Variants in FOCAD observed in about 807,000 individuals in gnomAD.
FOCAD encodes the protein focadhesin, also known as KIAA1797.
Under a neutral mutation model 225.6 loss-of-function variants are expected in FOCAD, and 198 were observed. The ratio of observed to expected loss-of-function variants is 0.88; its 90% CI spans 0.78 to 0.99. The LOEUF is 0.99. FOCAD is among the 50% of genes least tolerant of loss of function. The pLI is 0.00. For missense variants in FOCAD, 2,713 were observed against 2,123.6 expected, an observed-to-expected ratio of 1.28 and a Z score of -5.46; for synonymous variants, 897 against 755.0, an observed-to-expected ratio of 1.19 and a Z score of -3.08.
intron 35 of FOCAD, among the ~76,000 whole-genome samples, chr9:20,959,913 A>G (rs1023840186): frequency 2.0e-5 from 3 of 152,080 alleles, no homozygotes; most frequent in Admixed American, 6.5e-5. Context: ...TTACCCTTTT[A>G]TTTTGAAACA....
chr9:20,910,717 C>G (rs1833369529), intron 22 of FOCAD, among the ~76,000 whole-genome samples: 1 of 152,012 alleles, frequency 6.6e-6, no homozygotes, highest in African/African-American at 2.4e-5. Context: ...GCAGAGATGA[C>G]TGAGTTGAAT....
chr9:20,830,717 G>A (rs1825396008), intron 15 of FOCAD, among the ~76,000 whole-genome samples: 1 of 151,856 alleles, frequency 6.6e-6, no homozygotes, highest in African/African-American at 2.4e-5. Context: ...TTGCTCTGAC[G>A]GCCATGCTGG....
chr9:20,806,436 G>A (rs1273414244), intron 11 of FOCAD, among the ~76,000 whole-genome samples: 1 of 152,036 alleles, frequency 6.6e-6, no homozygotes, highest in African/African-American at 2.4e-5. Flanking sequence ...AATTTTGTAG[G>A]CGGCTTGTCG....
At chr9:20,982,256 G>T in intron 38 of FOCAD, 101 bp from the exon 39 acceptor site, 1 of 734,896 alleles carries the variant, frequency 1.4e-6, no homozygotes. Context: ...AATCTCATCA[G>T]CTGCTGTTCA....
chr9:20,759,825 A>C lies in FOCAD; in HGVS notation c.494+1634A>C, dbSNP rs1177074331. ...GGCTAGAATAATTCAGTAAGCTACT[A>C]CACAATACATATAGGAGATAAGTTC... is the stretch of plus-strand genomic sequence containing the variant. On this transcript the variant is annotated intron_variant, in intron 6 of 43. Transcript: ENST00000338382. 2.0e-5 allele frequency among the ~76,000 whole-genome samples: 3 copies of C among 152,366 alleles called. No homozygotes were observed. The East Asian group carries it at 5.8e-4, about 29-fold the overall frequency.
intron 11 of FOCAD, among the ~76,000 whole-genome samples, chr9:20,797,167 T>C (rs1007753421): frequency 2.0e-5 from 3 of 152,164 alleles, no homozygotes; most frequent in Admixed American, 6.5e-5. Flanking sequence ...TTCTGTTCCA[T>C]TGGTCTGTAT....
At chr9:20,808,569 A>G (rs1036732612) in intron 11 of FOCAD, among the ~76,000 whole-genome samples, 8 of 152,246 alleles carry the variant, frequency 5.3e-5, no homozygotes, top group East Asian at 1.9e-4. Flanking sequence ...CTGTGTGTCA[A>G]TAGTTGAACT....
chr9:20,865,997 A>G, intron 17 of FOCAD, 21 bp downstream of exon 17: 2 of 1,588,936 alleles, frequency 1.3e-6, no homozygotes, highest in Non-Finnish European at 1.7e-6. Flanking sequence ...AAGGCTTGTC[A>G]GTGAATCAGA....
intron 21 of FOCAD, among the ~76,000 whole-genome samples, chr9:20,891,832 G>A (rs1831641151): frequency 6.6e-6 from 1 of 152,218 alleles, no homozygotes; most frequent in Admixed American, 6.5e-5. Flanking sequence ...CATTTTCAAT[G>A]TAGGTGAAAG....
intron 34 of FOCAD, 143 bp downstream of exon 34, chr9:20,951,241 T>C (rs1837659954): frequency 1.7e-5 from 11 of 656,462 alleles, no homozygotes; most frequent in Non-Finnish European, 2.6e-5. Flanking sequence ...AGGGAAATGG[T>C]GTATGGAAAG....
chr9:20,974,837 G>A (rs990025454), intron 35 of FOCAD, among the ~76,000 whole-genome samples: 16 of 151,434 alleles, frequency 1.1e-4, no homozygotes, highest in African/African-American at 2.4e-4. Context: ...CTGTTTTCAC[G>A]TTTGCTGACT....
At chr9:20,919,913 A>G (rs552745846) in intron 24 of FOCAD, among the ~76,000 whole-genome samples, 166 of 152,104 alleles carry the variant, frequency 1.1e-3, no homozygotes, top group Non-Finnish European at 1.7e-3. Flanking sequence ...CAAGGACTTC[A>G]TGTCTAAAAC....
Position 20,866,917 on chromosome 9 carries a change from T to TTTTTAACAAAA in FOCAD, c.2107-12_2107-11insTTTTAACAAAA. 2.6e-6 allele frequency: 2 copies of TTTTTAACAAAA among 764,972 alleles called. No homozygotes were observed. Among genetic ancestry groups the TTTTTAACAAAA allele is most frequent in the Non-Finnish European group, 4.0e-6 (2 of 498,468 alleles). 47.4% of individuals were successfully genotyped at this position (764,972 alleles called of 1,614,324 possible). ...TTTTTTTTTTTTTTTTTTTTTTTTT[T>TTTTTAACAAAA]ACCCTATCTAGGACCCAATTGTAGC... On this transcript the variant is annotated splice_polypyrimidine_tract_variant and intron_variant, in intron 17 of 43. Coordinates refer to ENST00000338382, the MANE Select transcript of FOCAD (RefSeq NM_001375567.1).
intron 15 of FOCAD, among the ~76,000 whole-genome samples, chr9:20,830,865 G>C (rs1280553741): frequency 6.6e-6 from 1 of 151,958 alleles, no homozygotes; most frequent in Non-Finnish European, 1.5e-5. Flanking sequence ...TGTAGAGACA[G>C]AGTCTCACTA....
intron 42 of FOCAD, 151 bp from the exon 43 acceptor site, chr9:20,993,102 T>G: frequency 1.6e-6 from 1 of 606,330 alleles, no homozygotes; most frequent in Non-Finnish European, 2.9e-6. Context: ...CTCCTCCACC[T>G]GGGGAAGGTA....
At chr9:20,944,810 T>C (rs772517363) in intron 29 of FOCAD, 36 bp downstream of exon 29, 168 of 1,574,172 alleles carry the variant, frequency 1.1e-4, no homozygotes, top group Non-Finnish European at 6.2e-5. Flanking sequence ...TCCCCTCTGC[T>C]CTCTTTTGTT....
chr9:20,797,750 A>C lies in FOCAD; in HGVS notation c.1455+8142A>C, dbSNP rs564162429. Among the ~76,000 whole-genome samples, 45 of 152,322 alleles carry C rather than the reference A, an allele frequency of 3.0e-4. No homozygotes were observed. The South Asian group carries it at 8.9e-3, about 30-fold the overall frequency. On this transcript the variant is annotated intron_variant, in intron 11 of 43. Coordinates refer to ENST00000338382, the MANE Select transcript of FOCAD (RefSeq NM_001375567.1). The stretch of plus-strand genomic sequence containing the variant: ...ATCAGCTTAAGCAGATTTTGGGCTG[A>C]GACGATGGGGTTTTCTAGATATACA...
chr9:20,903,749 A>G (rs898139090), intron 21 of FOCAD, among the ~76,000 whole-genome samples: 41 of 152,004 alleles, frequency 2.7e-4, no homozygotes, highest in African/African-American at 9.7e-4. Context: ...TGTCATTCAC[A>G]TAACATAAAA....
intron 15 of FOCAD, among the ~76,000 whole-genome samples, chr9:20,841,938 G>A (rs999241379): frequency 2.6e-5 from 4 of 151,586 alleles, no homozygotes; most frequent in African/African-American, 9.7e-5. Context: ...CATAGGTTTT[G>A]GTATCTTGTT....
Sources: allele counts gnomAD v4.1 joint callset (sites outside exome capture counted in the v4.1 genomes callset), GRCh38; gene constraint gnomAD v4.1.1; transcripts MANE v1.5; gene names NCBI Gene and HGNC (gene_info 2026-07-23, HGNC 2026-07-21).